IREB2: variants seen among roughly 807,000 people sequenced by gnomAD.
The protein encoded by IREB2 is iron responsive element binding protein 2.
A neutral mutation model predicts 118.8 loss-of-function variants in IREB2; 39 were observed. That is an observed-to-expected ratio of 0.33 (90% CI 0.25 to 0.43). IREB2 has a LOEUF of 0.43. Ranked by LOEUF, IREB2 falls within the 20% of genes least tolerant of loss-of-function variation. IREB2 has a pLI of 1.00. For missense variants in IREB2, 900 were observed against 1,147.3 expected (o/e 0.78, Z 3.11); for synonymous variants, 372 against 392.2 (o/e 0.95, Z 0.61).
chr15:78,447,592 A>G (rs529237380), intron 2 of IREB2, among the ~76,000 whole-genome samples: 3 of 151,928 alleles, frequency 2.0e-5, no homozygotes, highest in East Asian at 3.9e-4. Context: ...CGGCCTCCCA[A>G]AGTGCTGGGA....
intron 9 of IREB2, 148 bp downstream of exon 9, chr15:78,476,507 T>C (rs545133173): frequency 1.8e-6 from 1 of 556,302 alleles, no homozygotes; most frequent in Non-Finnish European, 3.0e-6. Context: ...ACATCAGATG[T>C]CTTTAAAGAG....
chr15:78,451,146 A>C (rs2051019729), intron 2 of IREB2, among the ~76,000 whole-genome samples: 1 of 151,878 alleles, frequency 6.6e-6, no homozygotes, highest in African/African-American at 2.4e-5. Flanking sequence ...TTGTATTTTT[A>C]GTAGTGATGG....
intron 2 of IREB2, among the ~76,000 whole-genome samples, chr15:78,445,136 A>ATT (rs200250924): frequency 1.4e-4 from 17 of 123,426 alleles, no homozygotes; most frequent in South Asian, 2.7e-4. Flanking sequence ...TCCAGTCTTT[A>ATT]TTTTTTTTTT....
chr15:78,496,360 A>C (rs1256879548), intron 20 of IREB2, among the ~76,000 whole-genome samples: 4 of 151,902 alleles, frequency 2.6e-5, no homozygotes, highest in African/African-American at 9.7e-5. Context: ...CTCCACTTAC[A>C]ACCTCAAGTG....
At chr15:78,483,522 A>G in intron 11 of IREB2, 88 bp downstream of exon 11, 2 of 748,170 alleles carry the variant, frequency 2.7e-6, no homozygotes, top group Middle Eastern at 2.4e-4. Flanking sequence ...AACTCAATTC[A>G]CTGCTATGTT....
At chr15:78,451,001 G>A (rs548435407) in intron 2 of IREB2, among the ~76,000 whole-genome samples, 1 of 152,022 alleles carries the variant, frequency 6.6e-6, no homozygotes, top group Non-Finnish European at 1.5e-5. Flanking sequence ...ATCTTGCTCT[G>A]TTGCCCAGGC....
At chr15:78,479,693 C>T (rs909222591) in intron 10 of IREB2, among the ~76,000 whole-genome samples, 11 of 151,876 alleles carry the variant, frequency 7.2e-5, no homozygotes, top group African/African-American at 2.7e-4. Context: ...TGCAAAATTC[C>T]GCTATTAAAG....
At chr15:78,497,022 A>G in intron 20 of IREB2, 104 bp from the exon 21 acceptor site, 2 of 750,762 alleles carry the variant, frequency 2.7e-6, no homozygotes, top group Non-Finnish European at 4.5e-6. Flanking sequence ...ATATTAGACT[A>G]AAAGTATTTA....
At chr15:78,471,190 G>A (rs1300750659) in intron 6 of IREB2, among the ~76,000 whole-genome samples, 6 of 151,896 alleles carry the variant, frequency 4.0e-5, no homozygotes, top group African/African-American at 1.4e-4. Context: ...TGTATTTTTA[G>A]TAGAGACGGG....
intron 2 of IREB2, among the ~76,000 whole-genome samples, chr15:78,460,192 A>ATT (rs2051173789): frequency 6.6e-6 from 1 of 152,194 alleles, no homozygotes; most frequent in Non-Finnish European, 1.5e-5. Context: ...CATTATCTAG[A>ATT]TCCATTATTT....
chr15:78,437,958 A>G (rs550480425), upstream of IREB2, among the ~76,000 whole-genome samples: 67 of 152,324 alleles, frequency 4.4e-4, 1 homozygote, highest in Non-Finnish European at 1.9e-4. Context: ...CATGACCCCA[A>G]TAGAAAACTT....
At chr15:78,459,949 T>C (rs1425046451) in intron 2 of IREB2, among the ~76,000 whole-genome samples, 1 of 152,228 alleles carries the variant, frequency 6.6e-6, no homozygotes, top group Non-Finnish European at 1.5e-5. Context: ...TTCAGTTAAC[T>C]GGAAGTTAGA....
chr15:78,466,126 T>C (rs1595996520), intron 4 of IREB2, 145 bp from the exon 5 acceptor site: 2 of 507,488 alleles, frequency 3.9e-6, no homozygotes, highest in East Asian at 6.1e-5. Flanking sequence ...GAGATTTGCC[T>C]TTGAAACCTG....
At chr15:78,486,372 C>T (rs771480195) in intron 13 of IREB2, among the ~76,000 whole-genome samples, 3 of 152,056 alleles carry the variant, frequency 2.0e-5, no homozygotes, top group East Asian at 1.9e-4. Flanking sequence ...TTGGGGAGGC[C>T]GAGGCAGGCA....
Position 78,485,725 on chromosome 15 carries a change from G to A in IREB2, c.1594G>A (p.Val532Ile). 6.2e-7 allele frequency: 1 copy of A among 1,613,684 alleles called. No homozygotes were observed. Among genetic ancestry groups the A allele is most frequent in the Non-Finnish European group, 8.5e-7 (1 of 1,179,826 alleles). Residue 532 changes from valine to isoleucine, a missense_variant, in exon 13 of 22, where the codon GTT (valine) becomes ATT (isoleucine). By Grantham distance (29) the Val-to-Ile change is conservative. Transcript: ENST00000258886. ...TGCAGGTCTTTTGGCTAAAAAGGCT[G>A]TTGAAGCTGGTCTGCGTGTTAAACC... ...LAAGLLAKKAVEAGLRVKPYI... is the reference protein window; with the variant it reads ...LAAGLLAKKAIEAGLRVKPYI...
intron 20 of IREB2, among the ~76,000 whole-genome samples, chr15:78,495,056 A>G (rs999142742): frequency 1.3e-5 from 2 of 152,104 alleles, no homozygotes; most frequent in Non-Finnish European, 1.5e-5. Flanking sequence ...TGCAGAGCAA[A>G]TAGGCCATCT....
At chr15:78,488,568 C>T (rs1316876208) in intron 15 of IREB2, 79 bp from the exon 16 acceptor site, 2 of 1,360,336 alleles carry the variant, frequency 1.5e-6, no homozygotes, top group African/African-American at 3.0e-5. Flanking sequence ...ACTTGATTTC[C>T]ATGATATGTC....
At chr15:78,463,225 G>A in intron 3 of IREB2, 138 bp downstream of exon 3, 1 of 735,712 alleles carries the variant, frequency 1.4e-6, no homozygotes. Context: ...GATCACTTGA[G>A]CCTGGGAGTT....
At chr15:78,478,832 A>G (rs1428492216) in intron 10 of IREB2, among the ~76,000 whole-genome samples, 3 of 147,752 alleles carry the variant, frequency 2.0e-5, no homozygotes, top group African/African-American at 8.1e-5. Context: ...CAGTTTTCTC[A>G]TCTGTTAGAT....
Sources: gnomAD v4.1 joint callset for allele counts (sites outside exome capture counted in the v4.1 genomes callset) on GRCh38, gnomAD v4.1.1 for gene constraint, MANE v1.5 for transcripts, NCBI Gene and HGNC (gene_info 2026-07-23, HGNC 2026-07-21) for gene names.